The following COL22A1 variants were observed in gnomAD, a reference collection of about 807,000 sequenced individuals.
COL22A1 encodes collagen type XXII alpha 1 chain, also known as collagen alpha-1(XXII) chain.
A neutral mutation model predicts 248.9 loss-of-function variants in COL22A1; 221 were observed. That is an observed-to-expected ratio of 0.89 (90% CI 0.80 to 0.99). The LOEUF is 0.99. COL22A1 is among the 50% of genes least tolerant of loss of function. The probability of loss-of-function intolerance (pLI) is 0.00; values close to 1 mark genes in which losing one functional copy is unlikely to be tolerated. For missense variants in COL22A1, 2,240 were observed against 2,179.0 expected, an observed-to-expected ratio of 1.03 and a Z score of -0.56; for synonymous variants, 891 against 793.4, an observed-to-expected ratio of 1.12 and a Z score of -2.07.
intron 1 of COL22A1, among the ~76,000 whole-genome samples, chr8:138,886,226 A>AG (rs1824654773): frequency 6.6e-6 from 1 of 152,198 alleles, no homozygotes; most frequent in Non-Finnish European, 1.5e-5. Context: ...GGGATCTGGC[A>AG]GGGGTCCCAG....
intron 30 of COL22A1, among the ~76,000 whole-genome samples, chr8:138,704,805 C>T (rs1828277081): frequency 6.6e-6 from 1 of 152,240 alleles, no homozygotes; most frequent in Admixed American, 6.5e-5. Flanking sequence ...AAGTAGGCTT[C>T]AGACGATCGG....
At chr8:138,673,768 C>T (rs1339083069) in intron 41 of COL22A1, among the ~76,000 whole-genome samples, 4 of 152,082 alleles carry the variant, frequency 2.6e-5, no homozygotes, top group Non-Finnish European at 5.9e-5. Flanking sequence ...CAGGTCAGTT[C>T]CCTCCTGCCA....
chr8:138,601,576 G>A (rs1208548567), intron 60 of COL22A1, among the ~76,000 whole-genome samples: 2 of 152,074 alleles, frequency 1.3e-5, no homozygotes, highest in Non-Finnish European at 2.9e-5. Flanking sequence ...GAACGCGTCC[G>A]CCTTCCACAG....
intron 47 of COL22A1, among the ~76,000 whole-genome samples, chr8:138,641,830 G>T (rs148663324): frequency 6.6e-4 from 101 of 152,308 alleles, no homozygotes; most frequent in African/African-American, 2.2e-3. Flanking sequence ...TCCATCAGGG[G>T]TAGCATTTTC....
At chr8:138,856,662 A>G (rs1403924358) in intron 3 of COL22A1, among the ~76,000 whole-genome samples, 2 of 150,802 alleles carry the variant, frequency 1.3e-5, no homozygotes, top group Non-Finnish European at 3.0e-5. Context: ...GAGACACAGC[A>G]AGAGAGAGAG....
intron 9 of COL22A1, 107 bp downstream of exon 9, chr8:138,811,692 T>C (rs1050177457): frequency 4.8e-5 from 63 of 1,321,532 alleles, no homozygotes; most frequent in Non-Finnish European, 6.7e-5. Context: ...CTGACAGCCA[T>C]GGGCCTCCTG....
At position 138,676,641 on chromosome 8, in the gene COL22A1, AAG is replaced by A; in HGVS notation, c.3073-8_3073-7del. ...CCAGGAGCTCCTCGATCCCCCTAGA[AAG>A]AGAGAAAAATAAGATCAAGGAGGTC... is the stretch of plus-strand genomic sequence containing the variant. On this transcript the variant is annotated splice_polypyrimidine_tract_variant and splice_region_variant and intron_variant, in intron 40 of 64. Coordinates refer to ENST00000303045, the MANE Select transcript of COL22A1 (RefSeq NM_152888.3). 1 of 1,554,702 alleles carries A rather than the reference AAG, an allele frequency of 6.4e-7. No individual in the cohort carries two copies. Among genetic ancestry groups the A allele is most frequent in the Non-Finnish European group, 8.7e-7 (1 of 1,147,168 alleles).
chr8:138,839,309 G>C (rs549586753), intron 4 of COL22A1, among the ~76,000 whole-genome samples: 1 of 152,070 alleles, frequency 6.6e-6, no homozygotes, highest in Admixed American at 6.5e-5. Flanking sequence ...CCACGGCGAG[G>C]GTACACTGGC....
chr8:138,656,349 C>T (rs941534312), intron 44 of COL22A1, among the ~76,000 whole-genome samples: 3 of 152,228 alleles, frequency 2.0e-5, no homozygotes, highest in African/African-American at 7.2e-5. Context: ...ACAGCTGTTA[C>T]TATCAGTCAT....
At chr8:138,739,029 T>C (rs1831350461) in intron 22 of COL22A1, among the ~76,000 whole-genome samples, 1 of 152,200 alleles carries the variant, frequency 6.6e-6, no homozygotes, top group Non-Finnish European at 1.5e-5. Context: ...ACCACTGCAG[T>C]AGCCTTCTAA....
intron 12 of COL22A1, among the ~76,000 whole-genome samples, chr8:138,781,748 A>G (rs1287798145): frequency 1.3e-5 from 2 of 151,930 alleles, no homozygotes; most frequent in Admixed American, 1.3e-4. Flanking sequence ...CTCCAACACC[A>G]CTTGGTGCCA....
At chr8:138,746,441 G>A (rs113758233) in intron 22 of COL22A1, among the ~76,000 whole-genome samples, 79 of 152,322 alleles carry the variant, frequency 5.2e-4, no homozygotes, top group Non-Finnish European at 8.5e-4. Context: ...GCTAGAGAGC[G>A]ACTGAACAGG....
At chr8:138,802,224 C>G (rs1817055454) in intron 11 of COL22A1, among the ~76,000 whole-genome samples, 1 of 152,010 alleles carries the variant, frequency 6.6e-6, no homozygotes, top group African/African-American at 2.4e-5. Flanking sequence ...TGAGGGCCAC[C>G]CTGAACTGTG....
At chr8:138,804,688 G>T (rs979654927) in intron 10 of COL22A1, among the ~76,000 whole-genome samples, 2 of 152,142 alleles carry the variant, frequency 1.3e-5, no homozygotes, top group African/African-American at 4.8e-5. Flanking sequence ...AGGAGCTGAG[G>T]GGGCAGCGGG....
intron 14 of COL22A1, 68 bp downstream of exon 14, chr8:138,779,441 C>T (rs929104025): frequency 9.1e-7 from 1 of 1,101,046 alleles, no homozygotes; most frequent in Non-Finnish European, 1.4e-6. Flanking sequence ...GCACCTAAAG[C>T]AACTGGCTTT....
Position 138,811,891 on chromosome 8 carries a change from G to A in COL22A1, c.1357C>T (p.Pro453Ser), listed in dbSNP as rs1352579877. ...GGAGGCCGCTGGGGTGGGGGTGGAGGTGGAGGCTCTGTCACCACGGTCACC... is the reference window on the plus strand; with the variant it reads ...GGAGGCCGCTGGGGTGGGGGTGGAGATGGAGGCTCTGTCACCACGGTCACC... ...CQVTVVTEPP[P>S]PPPPQRPPTP... The change falls in exon 9 of 65, where the codon CCT (proline) becomes TCT (serine). Residue 453 changes from proline to serine, a missense_variant. Physicochemically the swap from Pro to Ser is moderately conservative, Grantham distance 74 (BLOSUM62 -1). Coordinates refer to ENST00000303045, the MANE Select transcript of COL22A1 (RefSeq NM_152888.3). The A allele has an allele frequency of 5.8e-6, 9 of 1,562,070 alleles. No homozygotes were observed. Among genetic ancestry groups the A allele is most frequent in the Non-Finnish European group, 7.8e-6 (9 of 1,154,738 alleles).
intron 6 of COL22A1, among the ~76,000 whole-genome samples, chr8:138,822,218 T>C (rs751679698): frequency 2.6e-5 from 4 of 152,014 alleles, no homozygotes; most frequent in Non-Finnish European, 5.9e-5. Context: ...CTCACCTAAT[T>C]TTTGTGATTT....
chr8:138,784,122 C>T (rs538969206), intron 12 of COL22A1, among the ~76,000 whole-genome samples: 1 of 152,308 alleles, frequency 6.6e-6, no homozygotes, highest in Admixed American at 6.5e-5. Flanking sequence ...GAGAATCAAC[C>T]TTATTTCTAG....
At chr8:138,693,500 T>C in intron 35 of COL22A1, 146 bp downstream of exon 35, 1 of 760,730 alleles carries the variant, frequency 1.3e-6, no homozygotes, top group South Asian at 1.6e-5. Flanking sequence ...CCGTGCTGAC[T>C]CCCACCAACC....
Sources: gnomAD v4.1 joint callset for allele counts (sites outside exome capture counted in the v4.1 genomes callset) on GRCh38, gnomAD v4.1.1 for gene constraint, MANE v1.5 for transcripts, NCBI Gene and HGNC (gene_info 2026-07-23, HGNC 2026-07-21) for gene names.